Variants in BABAM2 observed in about 807,000 individuals in gnomAD.
BABAM2 encodes the protein BRISC and BRCA1 A complex member 2.
A neutral mutation model predicts 54.7 loss-of-function variants in BABAM2; 31 were observed. The observed-to-expected ratio is 0.57, with a 90% confidence interval of 0.43 to 0.77. The LOEUF is 0.77. Ranked by LOEUF, BABAM2 falls within the 30% of genes least tolerant of loss-of-function variation. BABAM2 has a pLI of 0.00. For synonymous variants in BABAM2, 167 were observed against 162.9 expected (o/e 1.03, Z -0.19); for missense variants, 364 against 455.8 (o/e 0.80, Z 1.83).
intron 7 of BABAM2, among the ~76,000 whole-genome samples, chr2:28,160,735 G>GTT (rs562679552): frequency 0.011 from 1,365 of 129,150 alleles, 18 homozygotes; most frequent in African/African-American, 0.018. Context: ...CATATAAATT[G>GTT]TTTTTTTTTT....
At chr2:28,315,348 G>A (rs1418060540) in intron 11 of BABAM2, among the ~76,000 whole-genome samples, 5 of 151,816 alleles carry the variant, frequency 3.3e-5, no homozygotes, top group African/African-American at 4.8e-5. Context: ...CATTGTTGGT[G>A]TTCACCATGC....
chr2:27,964,454 G>A (rs554182973), intron 3 of BABAM2, among the ~76,000 whole-genome samples: 4 of 152,296 alleles, frequency 2.6e-5, no homozygotes, highest in East Asian at 1.9e-4. Context: ...AATTATCTGC[G>A]ATGTATAGTA....
At chr2:28,234,226 T>G (rs1305836681) in intron 7 of BABAM2, among the ~76,000 whole-genome samples, 1 of 152,126 alleles carries the variant, frequency 6.6e-6, no homozygotes, top group African/African-American at 2.4e-5. Flanking sequence ...CAGCGATACT[T>G]CCCACCTCTT....
intron 10 of BABAM2, among the ~76,000 whole-genome samples, chr2:28,255,998 T>TG (rs1434324234): frequency 1.3e-5 from 2 of 152,160 alleles, no homozygotes; most frequent in Non-Finnish European, 1.5e-5. Context: ...TGTTTTTTTT[T>TG]GTGCCAAAGA....
At chr2:28,302,516 T>A (rs2148253353) in intron 11 of BABAM2, among the ~76,000 whole-genome samples, 1 of 152,326 alleles carries the variant, frequency 6.6e-6, no homozygotes, top group African/African-American at 2.4e-5. Flanking sequence ...CACCCATGTG[T>A]AGATACTTGT....
chr2:28,081,388 A>G lies in BABAM2; in HGVS notation c.570+35589A>G, dbSNP rs1044131256. Among the ~76,000 whole-genome samples, 4 of 152,190 alleles carry G rather than the reference A, an allele frequency of 2.6e-5. No homozygotes were observed. In the East Asian group the frequency reaches 7.7e-4, roughly 29 times the overall value. ...TAGAGCCACACTTACCTGATTCCCA[A>G]TTTGTACGTAAGACCAGGCAAGGTC... On this transcript the variant is annotated intron_variant, in intron 6 of 11. Coordinates refer to ENST00000379624, the MANE Select transcript of BABAM2 (RefSeq NM_199191.3).
chr2:28,199,030 G>C (rs896290185), intron 7 of BABAM2, among the ~76,000 whole-genome samples: 1 of 152,190 alleles, frequency 6.6e-6, no homozygotes, highest in African/African-American at 2.4e-5. Context: ...TTTTTGGTTT[G>C]TCGGCTTGAA....
intron 6 of BABAM2, among the ~76,000 whole-genome samples, chr2:28,076,485 G>T (rs6750298): frequency 0.026 from 3,454 of 133,708 alleles, 97 homozygotes; most frequent in African/African-American, 0.094. Flanking sequence ...TATTTATTTA[G>T]TTAGTTAGTT....
In BABAM2 at chr2:28,333,001, G is replaced by C. The variant is rs543685693; in HGVS notation, c.1089-5449G>C. On this transcript the variant is annotated intron_variant, in intron 11 of 11. Transcript: ENST00000379624. ...CGGGAAAGGCTGAACTGAGGACAAG[G>C]ACCCTAGACCTCTCACAGGTTTCCC... Among the ~76,000 whole-genome samples, 7 of 152,234 alleles carry C rather than the reference G, an allele frequency of 4.6e-5. No homozygotes were observed. In the East Asian group the frequency reaches 1.4e-3, roughly 29 times the overall value.
At chr2:28,183,080 T>C (rs1675817809) in intron 7 of BABAM2, among the ~76,000 whole-genome samples, 1 of 152,206 alleles carries the variant, frequency 6.6e-6, no homozygotes, top group Non-Finnish European at 1.5e-5. Context: ...GTGCTTTGTT[T>C]TTTTCTTAAG....
chr2:28,171,553 C>T (rs1379135249), intron 7 of BABAM2, among the ~76,000 whole-genome samples: 2 of 152,066 alleles, frequency 1.3e-5, no homozygotes, highest in East Asian at 1.9e-4. Flanking sequence ...TAGATCTTCC[C>T]GTAATAAAGG....
intron 4 of BABAM2, among the ~76,000 whole-genome samples, chr2:27,993,374 T>C (rs992689537): frequency 6.6e-6 from 1 of 152,200 alleles, no homozygotes; most frequent in East Asian, 1.9e-4. Context: ...GACTAGAAAA[T>C]ACACTTTAGA....
intron 3 of BABAM2, among the ~76,000 whole-genome samples, chr2:27,956,700 A>G (rs961130029): frequency 6.6e-6 from 1 of 152,226 alleles, no homozygotes; most frequent in African/African-American, 2.4e-5. Context: ...TCTGCATTAA[A>G]GAAAGTAAAA....
At position 27,912,460 on chromosome 2, in the gene BABAM2, T is replaced by C. The variant is rs184167293; in HGVS notation, c.129-17372T>C. On this transcript the variant is annotated intron_variant, in intron 2 of 11. Coordinates refer to ENST00000379624, the MANE Select transcript of BABAM2 (RefSeq NM_199191.3). The stretch of plus-strand genomic sequence containing the variant: ...TGTCATTGGCAGGTTTTTATAAATA[T>C]GTTTATTATATCTATCTTTGTATGT... Among the ~76,000 whole-genome samples, 94 of 152,258 alleles carry C rather than the reference T, an allele frequency of 6.2e-4. No homozygotes were observed. In the Middle Eastern group the frequency reaches 0.024, roughly 39 times the overall value.
At chr2:28,025,178 A>G (rs1675556581) in intron 4 of BABAM2, 48 bp from the exon 5 acceptor site, 4 of 1,486,354 alleles carry the variant, frequency 2.7e-6, no homozygotes, top group Non-Finnish European at 2.7e-6. Flanking sequence ...CTGGATTTGT[A>G]TGAAATTTCA....
chr2:28,105,444 G>C (rs60129738), intron 6 of BABAM2, among the ~76,000 whole-genome samples: 1 of 152,132 alleles, frequency 6.6e-6, no homozygotes, highest in African/African-American at 2.4e-5. Flanking sequence ...AATGAAGAGC[G>C]TGGTGCCATG....
intron 4 of BABAM2, among the ~76,000 whole-genome samples, chr2:28,023,883 C>T (rs1675449326): frequency 6.6e-6 from 1 of 152,140 alleles, no homozygotes; most frequent in African/African-American, 2.4e-5. Context: ...CTCTGAGGAT[C>T]CCTGAGACCA....
chr2:28,161,809 T>C (rs1365035793), intron 7 of BABAM2, among the ~76,000 whole-genome samples: 2 of 152,054 alleles, frequency 1.3e-5, no homozygotes, highest in African/African-American at 4.8e-5. Flanking sequence ...ATTTAATCAC[T>C]CATCTGTTGA....
intron 5 of BABAM2, among the ~76,000 whole-genome samples, chr2:28,040,391 C>T (rs1483941331): frequency 6.8e-6 from 1 of 146,480 alleles, no homozygotes; most frequent in African/African-American, 2.5e-5. Flanking sequence ...AGCTCCGCCT[C>T]CCGGGTTCAC....
Sources: gnomAD v4.1 joint callset for allele counts (sites outside exome capture counted in the v4.1 genomes callset) on GRCh38, gnomAD v4.1.1 for gene constraint, MANE v1.5 for transcripts, NCBI Gene and HGNC (gene_info 2026-07-23, HGNC 2026-07-21) for gene names.